TTK: variants seen among roughly 807,000 people sequenced by gnomAD.
TTK encodes dual specificity protein kinase TTK.
In TTK, 59 loss-of-function variants were observed where a neutral mutation model predicts 117.3. The observed-to-expected ratio is 0.50, with a 90% CI of 0.41 to 0.62. TTK has a LOEUF of 0.62. TTK is among the 20% of genes least tolerant of loss of function. The pLI is 0.00. For synonymous variants in TTK, 302 were observed against 325.0 expected, an observed-to-expected ratio of 0.93 and a Z score of 0.76; for missense variants, 921 against 989.4, an observed-to-expected ratio of 0.93 and a Z score of 0.93.
At chr6:80,040,514 A>G (rs1768019676) in intron 20 of TTK, 92 bp from the exon 21 acceptor site, 1 of 1,117,234 alleles carries the variant, frequency 9.0e-7, no homozygotes, top group Non-Finnish European at 1.3e-6. Context: ...AAATTATAAG[A>G]ATATCACTTT....
chr6:80,010,471 T>C (rs1430278230), intron 4 of TTK, among the ~76,000 whole-genome samples: 1 of 150,496 alleles, frequency 6.6e-6, no homozygotes, highest in African/African-American at 2.4e-5. Flanking sequence ...TGTTTCTAAC[T>C]GTTGTGATTG....
In TTK at chr6:80,034,975, T is replaced by C; in HGVS notation, c.1615-10T>C. The C allele has an allele frequency of 6.6e-7, 1 of 1,520,910 alleles. No homozygotes were observed. 94.2% of individuals were successfully genotyped at this position (1,520,910 alleles called of 1,614,324 possible). On this transcript the variant is annotated splice_polypyrimidine_tract_variant and intron_variant, in intron 14 of 21. Transcript: ENST00000369798. ...GTATATTCTAAACTTCTCTTTGTTC[T>C]ACTCTGTAGGTATTTCAGGTGTTAA...
intron 10 of TTK, among the ~76,000 whole-genome samples, chr6:80,018,233 CTTAT>C (rs1338497697): frequency 6.6e-6 from 1 of 151,946 alleles, no homozygotes; most frequent in East Asian, 1.9e-4. Context: ...TTGATTTTTA[CTTAT>C]TTATGCATTG....
At chr6:80,027,820 A>T (rs1767644598) in intron 12 of TTK, 65 bp from the exon 13 acceptor site, 1 of 1,293,406 alleles carries the variant, frequency 7.7e-7, no homozygotes, top group African/African-American at 1.5e-5. Flanking sequence ...AAAATACATG[A>T]AACTGAATCA....
rs1456939019 is a variant in TTK, at chr6:80,014,517, G to C, written c.1039G>C (p.Glu347Gln). ...EPLVSDEKSSELIITDSITLK... is the reference protein window; with the variant it reads ...EPLVSDEKSSQLIITDSITLK... The stretch of plus-strand genomic sequence containing the variant: ...TCTGGTGTCAGATGAAAAGAGTTCT[G>C]AACTTATTATTACTGATTCAATAAC... Residue 347 changes from glutamate to glutamine, a missense_variant, in exon 10 of 22, where the codon GAA becomes CAA. Glu to Gln is a conservative substitution (Grantham distance 29). Transcript: ENST00000369798. 6.2e-7 allele frequency: 1 copy of C among 1,609,918 alleles called. No individual in the cohort carries two copies. Among genetic ancestry groups the C allele is most frequent in the East Asian group, 2.2e-5 (1 of 44,684 alleles).
intron 10 of TTK, among the ~76,000 whole-genome samples, chr6:80,020,442 T>C (rs1172331171): frequency 6.6e-6 from 1 of 152,164 alleles, no homozygotes; most frequent in Admixed American, 6.5e-5. Flanking sequence ...GTGAGTTTTA[T>C]CTCAACTCAA....
At chr6:80,031,398 CTG>C in intron 13 of TTK, 67 bp from the exon 14 acceptor site, 2 of 855,910 alleles carry the variant, frequency 2.3e-6, no homozygotes, top group South Asian at 3.2e-5. Flanking sequence ...GAGCAGTTGA[CTG>C]TACCAAATGT....
intron 10 of TTK, 114 bp from the exon 11 acceptor site, chr6:80,022,207 CCTT>C (rs1163835257): frequency 2.2e-5 from 25 of 1,140,326 alleles, no homozygotes; most frequent in Middle Eastern, 3.1e-4. Flanking sequence ...TTCTCTCCCT[CCTT>C]GATTGTTTTT....
intron 4 of TTK, among the ~76,000 whole-genome samples, chr6:80,009,446 A>G (rs527871323): frequency 6.6e-6 from 1 of 152,146 alleles, no homozygotes; most frequent in South Asian, 2.1e-4. Flanking sequence ...TACTTTTTAG[A>G]ACTATTATCC....
At chr6:80,027,176 C>T (rs952481349) in intron 12 of TTK, among the ~76,000 whole-genome samples, 116 of 152,154 alleles carry the variant, frequency 7.6e-4, no homozygotes, top group African/African-American at 2.7e-3. Context: ...TTGTCTTTTG[C>T]GTTTCATTTT....
At chr6:80,012,372 C>T (rs1425987714) in intron 8 of TTK, among the ~76,000 whole-genome samples, 3 of 151,960 alleles carry the variant, frequency 2.0e-5, no homozygotes, top group Non-Finnish European at 2.9e-5. Context: ...AGGGGAGAAT[C>T]GCTGTCAGTG....
rs3049175 is a variant in TTK, at chr6:80,037,865, TATAATAATAATAATA to T, written c.2050-84_2050-70del. Reference sequence around the variant, plus strand: ...ATTTTTAAGAATCTAAAACTTAAAGTATAATAATAATAATAATAATAATAATAATAATCTCAAAAA... The same window carrying T: ...ATTTTTAAGAATCTAAAACTTAAAGTATAATAATAATAATAATCTCAAAAA... On this transcript the variant is annotated intron_variant, in intron 17 of 21. Transcript: ENST00000369798. 283 of 411,014 alleles carry T rather than the reference TATAATAATAATAATA, an allele frequency of 6.9e-4. 11 individuals carry two copies. In the East Asian group the frequency reaches 0.012, roughly 17 times the overall value. The allele number at this position is 411,014 out of a possible 1,614,324, so 25.5% of individuals were successfully genotyped here. A position where few individuals can be genotyped will look rare whatever the true frequency, so the allele number is the denominator to read the frequency against.
intron 10 of TTK, among the ~76,000 whole-genome samples, chr6:80,015,126 A>G (rs1388865665): frequency 2.6e-5 from 4 of 152,208 alleles, no homozygotes; most frequent in African/African-American, 9.6e-5. Context: ...AATTTGGTTT[A>G]GGAGAAATAA....
At chr6:80,040,795 C>A in intron 21 of TTK, 92 bp downstream of exon 21, 1 of 1,090,716 alleles carries the variant, frequency 9.2e-7, no homozygotes, top group Non-Finnish European at 1.3e-6. Flanking sequence ...AAAGTTGGTC[C>A]AATCATCAGA....
chr6:80,029,449 C>G (rs151661), intron 13 of TTK, among the ~76,000 whole-genome samples: 93,824 of 151,954 alleles, frequency 0.62, 29,367 homozygotes, highest in Admixed American at 0.73. Context: ...AAAGGAAAAA[C>G]AAAAATGATC....
At chr6:80,033,997 T>C (rs1220046930) in intron 14 of TTK, among the ~76,000 whole-genome samples, 1 of 152,158 alleles carries the variant, frequency 6.6e-6, no homozygotes, top group Non-Finnish European at 1.5e-5. Context: ...TTAACATTTT[T>C]TTCCTTGGAG....
intron 11 of TTK, 90 bp downstream of exon 11, chr6:80,022,562 A>C: frequency 7.5e-7 from 1 of 1,341,294 alleles, no homozygotes; most frequent in Non-Finnish European, 1.0e-6. Context: ...TCTTTTATTA[A>C]ATGTGTATGA....
Position 80,034,992 on chromosome 6 carries a change from A to T in TTK, c.1622A>T (p.Gln541Leu). ...CTTTGTTCTACTCTGTAGGTATTTC[A>T]GGTGTTAAATGAAAAGAAACAGATA... ...IGSGGSSKVF[Q>L]VLNEKKQIYA... Residue 541 changes from glutamine (Q) to leucine (L), a missense_variant, in exon 15 of 22, where the codon CAG becomes CTG. Coordinates refer to ENST00000369798, the MANE Select transcript of TTK (RefSeq NM_003318.5). 1 of 1,560,226 alleles carries T rather than the reference A, an allele frequency of 6.4e-7. No homozygotes were observed. The highest frequency in any genetic ancestry group is 8.6e-7 in the Non-Finnish European group (1 of 1,158,778).
chr6:80,009,780 T>C (rs1174452719), intron 4 of TTK, among the ~76,000 whole-genome samples: 1 of 152,008 alleles, frequency 6.6e-6, no homozygotes, highest in Non-Finnish European at 1.5e-5. Context: ...TGTCAGGAAA[T>C]AATGCAGCAT....
Sources: gnomAD v4.1 joint callset for allele counts (sites outside exome capture counted in the v4.1 genomes callset) on GRCh38, gnomAD v4.1.1 for gene constraint, MANE v1.5 for transcripts, NCBI Gene and HGNC (gene_info 2026-07-23, HGNC 2026-07-21) for gene names.